Variants in LDLRAD4 observed in about 807,000 individuals in gnomAD.
LDLRAD4 encodes low-density lipoprotein receptor class A domain-containing protein 4.
A neutral mutation model predicts 17.0 loss-of-function variants in LDLRAD4; 5 were observed. The observed-to-expected ratio is 0.29, with a 90% CI of 0.15 to 0.62. LDLRAD4 has a LOEUF of 0.62. Ranked by LOEUF, LDLRAD4 falls within the 20% of genes least tolerant of loss-of-function variation. The pLI is 0.84. For missense variants in LDLRAD4, 340 were observed against 424.7 expected, an observed-to-expected ratio of 0.80 and a Z score of 1.75; for synonymous variants, 168 against 171.8, an observed-to-expected ratio of 0.98 and a Z score of 0.17.
chr18:13,354,509 A>G (rs576000916), intron 1 of LDLRAD4, among the ~76,000 whole-genome samples: 1 of 152,326 alleles, frequency 6.6e-6, no homozygotes, highest in East Asian at 1.9e-4. Context: ...ATTAGAAATT[A>G]CATCATTTGT....
intron 1 of LDLRAD4, among the ~76,000 whole-genome samples, chr18:13,228,281 G>A (rs2041910013): frequency 6.6e-6 from 1 of 152,148 alleles, no homozygotes; most frequent in Admixed American, 6.5e-5. Context: ...GTGTCTTTTG[G>A]GGAGTACGCC....
At chr18:13,616,622 C>T (rs545118081) in intron 3 of LDLRAD4, among the ~76,000 whole-genome samples, 13 of 152,178 alleles carry the variant, frequency 8.5e-5, no homozygotes, top group Non-Finnish European at 1.5e-4. Flanking sequence ...CACCGGCCAC[C>T]GTCACCTGCA....
At chr18:13,433,746 T>A (rs1051219047) in intron 2 of LDLRAD4, among the ~76,000 whole-genome samples, 2 of 152,194 alleles carry the variant, frequency 1.3e-5, no homozygotes, top group African/African-American at 4.8e-5. Context: ...CCTTAAGATA[T>A]TCCATTTCCC....
chr18:13,568,702 T>G (rs917672202), intron 3 of LDLRAD4, among the ~76,000 whole-genome samples: 21 of 152,154 alleles, frequency 1.4e-4, no homozygotes, highest in African/African-American at 4.3e-4. Flanking sequence ...ACGCCCCACA[T>G]CAGGACCTGT....
rs2093614042 is a variant in LDLRAD4 at position 13,501,526 on chromosome 18, C to T, written c.181+63142C>T. Among the ~76,000 whole-genome samples the T allele has an allele frequency of 2.0e-5, 3 of 152,066 alleles. No individual in the cohort carries two copies. The South Asian group carries it at 6.2e-4, about 32-fold the overall frequency. ...GTCTGTCTGGGTCTCACCCTTAATT[C>T]CTTTCTTTCTCTTTCCCTCCTCCGG... is the stretch of plus-strand genomic sequence containing the variant. On this transcript the variant is annotated intron_variant, in intron 3 of 5. Coordinates refer to ENST00000359446, the Ensembl canonical transcript of LDLRAD4.
At chr18:13,608,440 T>A (rs2095245738) in intron 3 of LDLRAD4, among the ~76,000 whole-genome samples, 1 of 152,000 alleles carries the variant, frequency 6.6e-6, no homozygotes, top group South Asian at 2.1e-4. Flanking sequence ...GGCTTAGAGA[T>A]GACAGTTACA....
intron 3 of LDLRAD4, among the ~76,000 whole-genome samples, chr18:13,618,301 G>A (rs980242414): frequency 6.6e-6 from 1 of 152,212 alleles, no homozygotes; most frequent in Admixed American, 6.5e-5. Context: ...GCTTTCCCCC[G>A]GGACGGAGTG....
chr18:13,507,539 C>G (rs1249687066), intron 3 of LDLRAD4, among the ~76,000 whole-genome samples: 1 of 152,108 alleles, frequency 6.6e-6, no homozygotes, highest in Non-Finnish European at 1.5e-5. Context: ...GTATATCTAC[C>G]ACATTTTCTT....
chr18:13,581,702 C>T lies in LDLRAD4; in HGVS notation c.182-39415C>T, dbSNP rs555789083. Among the ~76,000 whole-genome samples, 274 of 152,182 alleles carry T rather than the reference C, an allele frequency of 1.8e-3. 1 individual carries two copies. Among genetic ancestry groups the T allele is most frequent in the African/African-American group, 6.3e-3 (263 of 41,522 alleles). On this transcript the variant is annotated intron_variant, in intron 3 of 5. Transcript: ENST00000359446. ...AGACCCTTACCAGTGGTTAAAAATACAAATTGCAAGCCTGTCTTGGTGGGC... is the reference window on the plus strand; with the variant it reads ...AGACCCTTACCAGTGGTTAAAAATATAAATTGCAAGCCTGTCTTGGTGGGC...
Position 13,340,004 on chromosome 18 carries a change from T to A in LDLRAD4, c.-382-47337T>A, listed in dbSNP as rs1181378727. Among the ~76,000 whole-genome samples, 6 of 152,208 alleles carry A rather than the reference T, an allele frequency of 3.9e-5. No homozygotes were observed. The South Asian group carries it at 8.3e-4, about 21-fold the overall frequency. On this transcript the variant is annotated intron_variant, in intron 1 of 5. Transcript: ENST00000359446. ...CTACTTTCTCTATGAATTTGATTAC[T>A]CTAGGAGCCTTGTAAGTGAAATTAT...
chr18:13,502,871 C>T (rs1021965140), intron 3 of LDLRAD4, among the ~76,000 whole-genome samples: 1 of 152,250 alleles, frequency 6.6e-6, no homozygotes, highest in African/African-American at 2.4e-5. Context: ...TGGCTGGCAG[C>T]CACAGGCTGG....
intron 1 of LDLRAD4, among the ~76,000 whole-genome samples, chr18:13,247,594 C>T (rs535501932): frequency 6.6e-6 from 1 of 152,268 alleles, no homozygotes; most frequent in African/African-American, 2.4e-5. Flanking sequence ...GACGGCCGCC[C>T]ATTTTCAGCC....
intron 1 of LDLRAD4, among the ~76,000 whole-genome samples, chr18:13,223,938 A>G (rs1196780357): frequency 1.3e-5 from 2 of 152,156 alleles, no homozygotes; most frequent in Admixed American, 1.3e-4. Context: ...ATGAGGTGGG[A>G]CCTGGGTCAG....
At chr18:13,636,779 C>T (rs1282789339) in intron 4 of LDLRAD4, among the ~76,000 whole-genome samples, 3 of 150,076 alleles carry the variant, frequency 2.0e-5, no homozygotes, top group Admixed American at 6.6e-5. Context: ...GGATCACAAG[C>T]GTAAACCACC....
intron 1 of LDLRAD4, among the ~76,000 whole-genome samples, chr18:13,267,434 G>C (rs2044282734): frequency 6.6e-6 from 1 of 152,218 alleles, no homozygotes; most frequent in Non-Finnish European, 1.5e-5. Flanking sequence ...TGTCACATGT[G>C]GTGGTGGAAT....
At chr18:13,316,035 G>A (rs2080914359) in intron 1 of LDLRAD4, among the ~76,000 whole-genome samples, 1 of 152,112 alleles carries the variant, frequency 6.6e-6, no homozygotes, top group Non-Finnish European at 1.5e-5. Context: ...CAAAGGTGAG[G>A]GACGGTGAGA....
At chr18:13,329,376 A>T (rs912695639) in intron 1 of LDLRAD4, among the ~76,000 whole-genome samples, 3 of 152,138 alleles carry the variant, frequency 2.0e-5, no homozygotes, top group African/African-American at 7.2e-5. Context: ...TAATAGAGTT[A>T]TTTTAATTTG....
At chr18:13,538,118 C>T (rs1183877736) in intron 3 of LDLRAD4, among the ~76,000 whole-genome samples, 1 of 152,096 alleles carries the variant, frequency 6.6e-6, no homozygotes, top group Non-Finnish European at 1.5e-5. Context: ...TTGATCTTGT[C>T]AAATACCCAG....
At chr18:13,320,769 C>T (rs545983613) in intron 1 of LDLRAD4, among the ~76,000 whole-genome samples, 23 of 152,278 alleles carry the variant, frequency 1.5e-4, no homozygotes, top group South Asian at 4.1e-4. Context: ...GTTTGAGTAA[C>T]GTGTGACGTG....
Sources: gnomAD v4.1 joint callset for allele counts (sites outside exome capture counted in the v4.1 genomes callset) on GRCh38, gnomAD v4.1.1 for gene constraint, MANE v1.5 for transcripts, NCBI Gene and HGNC (gene_info 2026-07-23, HGNC 2026-07-21) for gene names.